The following PDE12 variants were observed in gnomAD, a reference collection of about 807,000 sequenced individuals.
The protein encoded by PDE12 is 2',5'-phosphodiesterase 12.
PDE12 carries 26 observed loss-of-function variants against 45.4 expected under a neutral mutation model. That is an observed-to-expected ratio of 0.57 (90% CI 0.42 to 0.79). PDE12 has a LOEUF of 0.79. PDE12 is among the 30% of genes least tolerant of loss of function. The probability of loss-of-function intolerance (pLI) is 0.00; values close to 1 mark genes in which losing one functional copy is unlikely to be tolerated. For missense variants in PDE12, 668 were observed against 790.0 expected, an observed-to-expected ratio of 0.85 and a Z score of 1.85; for synonymous variants, 283 against 323.9, an observed-to-expected ratio of 0.87 and a Z score of 1.36.
downstream of PDE12, among the ~76,000 whole-genome samples, chr3:57,568,153 A>G (rs531802786): frequency 6.6e-6 from 1 of 151,864 alleles, no homozygotes; most frequent in South Asian, 2.1e-4. Flanking sequence ...ATGACAAAGA[A>G]CCAGGTATTT....
chr3:57,612,390 T>C, the PDE12 span, among the ~76,000 whole-genome samples: 2 of 151,748 alleles, frequency 1.3e-5, no homozygotes, highest in Middle Eastern at 3.2e-3. Flanking sequence ...TAAAGTATAA[T>C]AATAAAAAAA....
In PDE12 at chr3:57,559,191, A is replaced by G. The variant is rs562386472; in HGVS notation, c.1309-119A>G. On this transcript the variant is annotated intron_variant, in intron 1 of 2. Coordinates refer to ENST00000311180, the MANE Select transcript of PDE12 (RefSeq NM_177966.7). The stretch of plus-strand genomic sequence containing the variant: ...AGCCGAGATCGCGCTACTGCACTCC[A>G]GCCTGGTTGACAGAGTGAGACTGTC... 5.4e-4 allele frequency: 422 copies of G among 780,596 alleles called. 1 individual carries two copies. Among genetic ancestry groups the G allele is most frequent in the Non-Finnish European group, 6.4e-4 (302 of 473,038 alleles). The allele number at this position is 780,596 out of a possible 1,614,324, so 48.4% of individuals were successfully genotyped here. A position where few individuals can be genotyped will look rare whatever the true frequency, so the allele number is the denominator to read the frequency against.
At position 57,564,352 on chromosome 3, in the gene PDE12, T is replaced by A. The variant is rs979814075; in HGVS notation, c.*4348T>A. On this transcript the variant is annotated 3_prime_UTR_variant, in exon 3 of 3. Coordinates refer to ENST00000311180, the MANE Select transcript of PDE12 (RefSeq NM_177966.7). ...CATGTTCATACTGTCAGTGTTAGATTTTTACTCATAATTTAAAATTTCCCC... is the reference window on the plus strand; with the variant it reads ...CATGTTCATACTGTCAGTGTTAGATATTTACTCATAATTTAAAATTTCCCC... 3.3e-5 allele frequency: 5 copies of A among 152,186 alleles called. No individual in the cohort carries two copies. The highest frequency in any genetic ancestry group is 9.7e-5 in the African/African-American group (4 of 41,444). 9.4% of individuals were successfully genotyped at this position (152,186 alleles called of 1,614,324 possible). A position where few individuals can be genotyped will look rare whatever the true frequency, so the allele number is the denominator to read the frequency against.
rs903924308 is a variant in PDE12, at chr3:57,563,846, G to A, written c.*3842G>A. The stretch of plus-strand genomic sequence containing the variant: ...CTGCAGTGAGTTGTGATCAAGGTGC[G>A]CTGCACTCCAGCCTGGGTAATAGAG... On this transcript the variant is annotated 3_prime_UTR_variant, in exon 3 of 3. Transcript: ENST00000311180. The A allele has an allele frequency of 2.0e-5, 3 of 152,158 alleles. No homozygotes were observed. Among genetic ancestry groups the A allele is most frequent in the South Asian group, 2.1e-4 (1 of 4,832 alleles). The allele number at this position is 152,158 out of a possible 1,614,324, so 9.4% of individuals were successfully genotyped here.
the PDE12 span, among the ~76,000 whole-genome samples, chr3:57,609,754 C>T: frequency 6.6e-5 from 10 of 152,010 alleles, no homozygotes; most frequent in Admixed American, 5.2e-4. Flanking sequence ...AGCCTACCAA[C>T]CAAAAAAAGT....
At chr3:57,606,538 C>T in the PDE12 span, among the ~76,000 whole-genome samples, 7 of 152,048 alleles carry the variant, frequency 4.6e-5, no homozygotes, top group Non-Finnish European at 1.0e-4. Context: ...AACGAAATAG[C>T]ATGGGAAAAG....
Position 57,556,994 on chromosome 3 carries a change from G to A in PDE12, c.615G>A (p.Ala205=), listed in dbSNP as rs1448870958. ...GGTATAAGGAAGCCAAGCCCGGAGC[G>A]GCGGAGCCCGAGGTCGGTGTCCCCT... is the stretch of plus-strand genomic sequence containing the variant. The part of the protein sequence containing the change: ...FRWYKEAKPG[A]AEPEVGVPSS... Residue 205 remains alanine, a synonymous_variant, in exon 1 of 3, where the codon GCG becomes GCA. Coordinates refer to ENST00000311180, the MANE Select transcript of PDE12 (RefSeq NM_177966.7). This position sits in a 1 kb window ranked among gnomAD's most constrained non-coding sequence, Gnocchi z 5.0. 1 of 1,614,042 alleles carries A rather than the reference G, an allele frequency of 6.2e-7. No individual in the cohort carries two copies. The highest frequency in any genetic ancestry group is 8.5e-7 in the Non-Finnish European group (1 of 1,180,028).
chr3:57,588,459 G>A, the PDE12 span, among the ~76,000 whole-genome samples: 1 of 152,244 alleles, frequency 6.6e-6, no homozygotes, highest in Non-Finnish European at 1.5e-5. Flanking sequence ...TGTAATCCCA[G>A]CATGTTGGGA....
At chr3:57,577,206 C>T in the PDE12 span, 3 of 853,720 alleles carry the variant, frequency 3.5e-6, no homozygotes, top group Non-Finnish European at 5.7e-6. Flanking sequence ...ATTTCTAGCC[C>T]CCCCAATCCA....
At chr3:57,652,833 G>GTAATC in the PDE12 span, among the ~76,000 whole-genome samples, 2,029 of 152,202 alleles carry the variant, frequency 0.013, 48 homozygotes, top group African/African-American at 0.046. Flanking sequence ...TAACTGTCCT[G>GTAATC]TAATCTGCAA....
the PDE12 span, among the ~76,000 whole-genome samples, chr3:57,589,102 C>CA: frequency 2.2e-4 from 31 of 142,500 alleles, no homozygotes; most frequent in African/African-American, 6.3e-4. Flanking sequence ...AACTCCGTCT[C>CA]AAAAAAAAAA....
At chr3:57,585,236 A>T in the PDE12 span, among the ~76,000 whole-genome samples, 1 of 152,208 alleles carries the variant, frequency 6.6e-6, no homozygotes, top group Non-Finnish European at 1.5e-5. Flanking sequence ...AATTCTTAAG[A>T]TTTGTAAAAA....
the PDE12 span, among the ~76,000 whole-genome samples, chr3:57,609,879 T>C: frequency 1.3e-5 from 2 of 152,158 alleles, no homozygotes; most frequent in Admixed American, 1.3e-4. Context: ...CCATAACTCA[T>C]TTTATGAGGC....
chr3:57,602,958 G>A, the PDE12 span, among the ~76,000 whole-genome samples: 2 of 152,072 alleles, frequency 1.3e-5, no homozygotes, highest in African/African-American at 4.8e-5. Context: ...GGCCAAGGTG[G>A]GAGTTTGAGA....
At chr3:57,586,756 A>G in the PDE12 span, among the ~76,000 whole-genome samples, 3 of 152,224 alleles carry the variant, frequency 2.0e-5, no homozygotes, top group Non-Finnish European at 4.4e-5. Context: ...GAGCTACATT[A>G]AAGTTTGGCA....
At chr3:57,625,995 T>G in the PDE12 span, 2 of 152,624 alleles carry the variant, frequency 1.3e-5, no homozygotes. Context: ...TATACCTTTT[T>G]GAAAAATAAT....
chr3:57,640,268 C>CAA, the PDE12 span, among the ~76,000 whole-genome samples: 3 of 97,186 alleles, frequency 3.1e-5, no homozygotes, highest in Non-Finnish European at 4.3e-5. Context: ...GACTCTGTCT[C>CAA]AAAAAAAAAA....
chr3:57,596,241 A>C, the PDE12 span, among the ~76,000 whole-genome samples: 1 of 152,236 alleles, frequency 6.6e-6, no homozygotes, highest in Non-Finnish European at 1.5e-5. Flanking sequence ...CTATTTAACA[A>C]GACTACCATA....
rs1355082081 is a variant in PDE12, at chr3:57,560,389, A to G, written c.*385A>G. 3.8e-6 allele frequency: 3 copies of G among 798,584 alleles called. No individual in the cohort carries two copies. Among genetic ancestry groups the G allele is most frequent in the African/African-American group, 1.9e-5 (1 of 52,690 alleles). The allele number at this position is 798,584 out of a possible 1,614,324, so 49.5% of individuals were successfully genotyped here. A position where few individuals can be genotyped will look rare whatever the true frequency, so the allele number is the denominator to read the frequency against. On this transcript the variant is annotated 3_prime_UTR_variant, in exon 3 of 3. Coordinates refer to ENST00000311180, the MANE Select transcript of PDE12 (RefSeq NM_177966.7). Reference sequence around the variant, plus strand: ...TGCCCAGGCTGGAGTGCAATGGCACAATCTCGGCTCACTGCAACCTCCGCC... The same window carrying G: ...TGCCCAGGCTGGAGTGCAATGGCACGATCTCGGCTCACTGCAACCTCCGCC...
Sources: gnomAD v4.1 joint callset for allele counts (sites outside exome capture counted in the v4.1 genomes callset) on GRCh38, gnomAD v4.1.1 for gene constraint, Gnocchi (gnomAD v3.1) non-coding constraint, MANE v1.5 for transcripts, NCBI Gene and HGNC (gene_info 2026-07-23, HGNC 2026-07-21) for gene names.